Variants in NPAS3 observed in about 807,000 individuals in gnomAD.
NPAS3 encodes neuronal PAS domain-containing protein 3.
A neutral mutation model predicts 73.1 loss-of-function variants in NPAS3; 14 were observed. The observed-to-expected ratio is 0.19, with a 90% CI of 0.13 to 0.30. NPAS3 has a LOEUF of 0.30. Ranked by LOEUF, NPAS3 falls within the 10% of genes least tolerant of loss-of-function variation. The pLI is 1.00. For synonymous variants in NPAS3, 620 were observed against 541.5 expected (o/e 1.14, Z -2.01); for missense variants, 1,096 against 1,250.0 (o/e 0.88, Z 1.86).
intron 4 of NPAS3, among the ~76,000 whole-genome samples, chr14:33,372,619 T>G (rs1443775839): frequency 2.6e-5 from 4 of 152,166 alleles, no homozygotes; most frequent in Non-Finnish European, 5.9e-5. Context: ...AACCTATAAC[T>G]ATTTCAGGCA....
rs190324475 is a variant in NPAS3 at position 33,064,627 on chromosome 14, G to A, written c.140+8633G>A. 1.8e-4 allele frequency among the ~76,000 whole-genome samples: 27 copies of A among 152,246 alleles called. 1 individual carries two copies. Among genetic ancestry groups the A allele is most frequent in the Admixed American group, 1.4e-3 (21 of 15,296 alleles). On this transcript the variant is annotated intron_variant, in intron 2 of 11. Coordinates refer to ENST00000356141, the Ensembl canonical transcript of NPAS3. ...AGTCGTAGATTAGTTACCTCATGAC[G>A]TTTATCCTCTTCCCTTGCAAAAGCT...
At chr14:33,328,647 C>T (rs11850899) in intron 3 of NPAS3, among the ~76,000 whole-genome samples, 43,786 of 150,826 alleles carry the variant, frequency 0.29, 7,359 homozygotes, top group African/African-American at 0.46. Context: ...TTAGGAGAGA[C>T]GGGGTTTCAC....
At chr14:33,263,357 C>A (rs1368058054) in intron 3 of NPAS3, among the ~76,000 whole-genome samples, 1 of 152,218 alleles carries the variant, frequency 6.6e-6, no homozygotes, top group African/African-American at 2.4e-5. Context: ...GTTTTCTCAG[C>A]ACCATTTATT....
chr14:33,485,958 G>A lies in NPAS3; in HGVS notation c.469-74163G>A, dbSNP rs139088438. Among the ~76,000 whole-genome samples the A allele has an allele frequency of 1.9e-3, 289 of 152,034 alleles. 1 individual carries two copies. Among genetic ancestry groups the A allele is most frequent in the Non-Finnish European group, 3.0e-3 (203 of 67,984 alleles). On this transcript the variant is annotated intron_variant, in intron 4 of 11. Transcript: ENST00000356141. ...TCATAGTATATGAATGTGAGTGGCC[G>A]CCTGCACTCCCCAGGTTCTGGATGT...
intron 4 of NPAS3, among the ~76,000 whole-genome samples, chr14:33,397,429 CA>C (rs1566865861): frequency 1.3e-5 from 2 of 152,102 alleles, no homozygotes; most frequent in Non-Finnish European, 2.9e-5. Context: ...CCACAGTTAC[CA>C]AGCCACAAAG....
At chr14:33,515,402 T>C (rs193006047) in intron 4 of NPAS3, among the ~76,000 whole-genome samples, 107 of 152,234 alleles carry the variant, frequency 7.0e-4, no homozygotes, top group African/African-American at 2.5e-3. Flanking sequence ...AAAACACTTA[T>C]TAATGGCAGT....
chr14:33,095,928 G>A (rs985934615), intron 2 of NPAS3, among the ~76,000 whole-genome samples: 2 of 151,338 alleles, frequency 1.3e-5, no homozygotes, highest in African/African-American at 2.4e-5. Context: ...CGATTCGCCC[G>A]CCTTGGCCTC....
At chr14:33,684,709 C>T (rs1207718480) in intron 6 of NPAS3, among the ~76,000 whole-genome samples, 1 of 152,192 alleles carries the variant, frequency 6.6e-6, no homozygotes, top group Non-Finnish European at 1.5e-5. Context: ...CTGCATCAGC[C>T]ATAGGCCTCC....
chr14:33,794,591 G>A (rs1461769212), intron 10 of NPAS3, among the ~76,000 whole-genome samples: 14 of 105,588 alleles, frequency 1.3e-4, no homozygotes, highest in East Asian at 5.9e-4. Context: ...AAACAATAGC[G>A]GTGTAAAAAA....
At chr14:33,686,196 G>T (rs1245005465) in intron 6 of NPAS3, among the ~76,000 whole-genome samples, 1 of 152,164 alleles carries the variant, frequency 6.6e-6, no homozygotes, top group Non-Finnish European at 1.5e-5. Context: ...TCTCCCAGGA[G>T]ACTCATCCCA....
intron 6 of NPAS3, among the ~76,000 whole-genome samples, chr14:33,690,162 G>A (rs957187851): frequency 6.6e-6 from 1 of 152,164 alleles, no homozygotes; most frequent in South Asian, 2.1e-4. Flanking sequence ...TATCGAATCA[G>A]CTTTCGTGCG....
At chr14:32,946,516 G>A (rs2139103520) in intron 1 of NPAS3, among the ~76,000 whole-genome samples, 1 of 152,232 alleles carries the variant, frequency 6.6e-6, no homozygotes, top group Admixed American at 6.5e-5. Flanking sequence ...TGTAGCGTGT[G>A]ATGTGGGTGT....
At chr14:33,230,396 A>G (rs1359379996) in intron 3 of NPAS3, among the ~76,000 whole-genome samples, 2 of 152,216 alleles carry the variant, frequency 1.3e-5, no homozygotes, top group Admixed American at 1.3e-4. Flanking sequence ...GAACCCACGG[A>G]TGGAGTTAAG....
intron 5 of NPAS3, among the ~76,000 whole-genome samples, chr14:33,663,261 C>T (rs893711423): frequency 1.3e-5 from 2 of 152,090 alleles, no homozygotes; most frequent in Admixed American, 1.3e-4. Flanking sequence ...ACCTAGTTCA[C>T]TGAGCGTTTT....
chr14:32,939,247 C>A, upstream of NPAS3: 1 of 631,162 alleles, frequency 1.6e-6, no homozygotes, highest in Non-Finnish European at 2.8e-6. Context: ...ACACCCCCGC[C>A]CGCCCACGCC....
chr14:33,674,970 G>A (rs751174635), intron 5 of NPAS3, among the ~76,000 whole-genome samples: 1 of 152,136 alleles, frequency 6.6e-6, no homozygotes, highest in South Asian at 2.1e-4. Context: ...CTTCCCTCTT[G>A]ACATGAAAGG....
At chr14:33,136,803 TC>T (rs1161119678) in intron 2 of NPAS3, among the ~76,000 whole-genome samples, 1 of 152,232 alleles carries the variant, frequency 6.6e-6, no homozygotes, top group African/African-American at 2.4e-5. Context: ...ATTATATACT[TC>T]GTGTATCTGT....
chr14:33,465,892 TATATA>T (rs1197444603), intron 4 of NPAS3, among the ~76,000 whole-genome samples: 2 of 152,078 alleles, frequency 1.3e-5, no homozygotes, highest in Admixed American at 6.6e-5. Flanking sequence ...ATCCAACAGA[TATATA>T]ATAGATAATA....
rs1007337951 is a variant in NPAS3 at position 33,751,284 on chromosome 14, G to A, written c.852+15952G>A. Among the ~76,000 whole-genome samples, 4 of 152,210 alleles carry A rather than the reference G, an allele frequency of 2.6e-5. No individual in the cohort carries two copies. The East Asian group carries it at 5.8e-4, about 22-fold the overall frequency. ...CTCAGCCTATTAGGTAAGGGAGTAA[G>A]TATATAGATTTAAACAAGTCATTAA... On this transcript the variant is annotated intron_variant, in intron 7 of 11. Coordinates refer to ENST00000356141, the Ensembl canonical transcript of NPAS3.
Sources: gnomAD v4.1 joint callset for allele counts (sites outside exome capture counted in the v4.1 genomes callset) on GRCh38, gnomAD v4.1.1 for gene constraint, MANE v1.5 for transcripts, NCBI Gene and HGNC (gene_info 2026-07-23, HGNC 2026-07-21) for gene names.